ZNF564: variants seen among roughly 807,000 people sequenced by gnomAD.
The protein encoded by ZNF564 is zinc finger protein 564.
Under a neutral mutation model 10.5 loss-of-function variants are expected in ZNF564, and 5 were observed. That is an observed-to-expected ratio of 0.48 (90% CI 0.25 to 1.00). The LOEUF (loss-of-function observed/expected upper bound fraction) is 1.00, where lower values mean the gene tolerates loss of function less well. ZNF564 is among the 50% of genes least tolerant of loss of function. ZNF564 has a pLI of 0.16. For missense variants in ZNF564, 603 were observed against 669.7 expected (o/e 0.90, Z 1.10); for synonymous variants, 242 against 218.1 (o/e 1.11, Z -0.97).
At chr19:12,535,608 T>C (rs989448453) in intron 1 of ZNF564, among the ~76,000 whole-genome samples, 6 of 152,262 alleles carry the variant, frequency 3.9e-5, no homozygotes, top group Middle Eastern at 3.4e-3. Flanking sequence ...TCATTAAACA[T>C]TGTCAAAGTC....
At chr19:12,532,521 C>G (rs1379372888) in intron 1 of ZNF564, among the ~76,000 whole-genome samples, 1 of 113,032 alleles carries the variant, frequency 8.8e-6, no homozygotes. Flanking sequence ...GGCGACAGAG[C>G]GAGACTCCGT....
chr19:12,531,908 A>T (rs1054691582), intron 1 of ZNF564, among the ~76,000 whole-genome samples: 2 of 152,246 alleles, frequency 1.3e-5, no homozygotes, highest in Non-Finnish European at 2.9e-5. Context: ...AAAACATAGT[A>T]TGTTGGCTAA....
intron 1 of ZNF564, among the ~76,000 whole-genome samples, chr19:12,545,470 C>CT (rs1027355753): frequency 6.6e-6 from 1 of 152,008 alleles, no homozygotes; most frequent in African/African-American, 2.4e-5. Context: ...CAGCAGGTGT[C>CT]TAACAGTTCA....
At chr19:12,551,255 G>A in intron 1 of ZNF564, 75 bp downstream of exon 1, 2 of 1,515,734 alleles carry the variant, frequency 1.3e-6, no homozygotes, top group Non-Finnish European at 1.8e-6. Flanking sequence ...AGGCCAGGGT[G>A]CTTCCACAGC....
intron 1 of ZNF564, chr19:12,533,068 C>T (rs2021839331): frequency 6.6e-6 from 1 of 152,126 alleles, no homozygotes; most frequent in Non-Finnish European, 1.5e-5. Flanking sequence ...AACACAAATT[C>T]TTCTCAAGTT....
chr19:12,542,660 A>AAAG (rs2022079662), intron 1 of ZNF564, among the ~76,000 whole-genome samples: 1 of 133,570 alleles, frequency 7.5e-6, no homozygotes, highest in Admixed American at 7.2e-5. Flanking sequence ...AAGAAAGAAA[A>AAAG]GAAAAAAGGA....
At position 12,550,898 on chromosome 19, in the gene ZNF564, T is replaced by C. The variant is rs192455817; in HGVS notation, c.3+432A>G. ...GGAGTCGTAGGTTTGAGATTCTTTT[T>C]CCAGTACGTTTGGAAGACTCGGAGG... On this transcript the variant is annotated intron_variant, in intron 1 of 3. Transcript: ENST00000339282. 1.0e-3 allele frequency among the ~76,000 whole-genome samples: 158 copies of C among 152,238 alleles called. 1 individual carries two copies. Among genetic ancestry groups the C allele is most frequent in the African/African-American group, 3.6e-3 (150 of 41,554 alleles).
At chr19:12,528,479 C>A in intron 2 of ZNF564, 91 bp downstream of exon 2, 1 of 1,588,422 alleles carries the variant, frequency 6.3e-7, no homozygotes, top group South Asian at 1.1e-5. Flanking sequence ...CAAGTATTCC[C>A]TTTTCCACAT....
In ZNF564 at chr19:12,526,892, T is replaced by C; in HGVS notation, c.1216A>G (p.Ser406Gly). 6.2e-7 allele frequency: 1 copy of C among 1,614,148 alleles called. No individual in the cohort carries two copies. Among genetic ancestry groups the C allele is most frequent in the Non-Finnish European group, 8.5e-7 (1 of 1,180,032 alleles). ...GTTCTTTCGTGTATTTGAAATGAACTGGGACAGTCAAAGGCTCTACCACAT... is the reference window on the plus strand; with the variant it reads ...GTTCTTTCGTGTATTTGAAATGAACCGGGACAGTCAAAGGCTCTACCACAT... ...QVCGRAFDCP[S>G]SFQIHERTHT... Residue 406 changes from serine (S) to glycine (G), a missense_variant, in exon 4 of 4, where the codon AGT becomes GGT. Ser to Gly is a moderately conservative substitution (Grantham distance 56). Coordinates refer to ENST00000339282, the MANE Select transcript of ZNF564 (RefSeq NM_144976.4).
intron 1 of ZNF564, among the ~76,000 whole-genome samples, chr19:12,539,776 C>A (rs1206514300): frequency 1.3e-5 from 2 of 151,816 alleles, no homozygotes; most frequent in Non-Finnish European, 2.9e-5. Context: ...GAGATAAAGA[C>A]CATCCTGGCT....
chr19:12,546,938 A>C (rs1392354544), intron 1 of ZNF564, among the ~76,000 whole-genome samples: 2 of 152,032 alleles, frequency 1.3e-5, no homozygotes, highest in African/African-American at 4.8e-5. Context: ...TCCTTTATAA[A>C]CCATCCTAAA....
intron 1 of ZNF564, among the ~76,000 whole-genome samples, chr19:12,546,872 T>G (rs2022165466): frequency 6.6e-6 from 1 of 152,156 alleles, no homozygotes; most frequent in Non-Finnish European, 1.5e-5. Flanking sequence ...TCTCCTCCTT[T>G]CAGCCCTGAA....
rs1327848385 is a variant in ZNF564, at chr19:12,526,239, C to T, written c.*207G>A. On this transcript the variant is annotated 3_prime_UTR_variant, in exon 4 of 4. Transcript: ENST00000339282. Reference sequence around the variant, plus strand: ...GGATGAGACTCAATTCATGCTGAGGCAAAATTCTTCTTCAGCTCCGAACCG... The same window carrying T: ...GGATGAGACTCAATTCATGCTGAGGTAAAATTCTTCTTCAGCTCCGAACCG... 2 of 501,870 alleles carry T rather than the reference C, an allele frequency of 4.0e-6. No homozygotes were observed. The highest frequency in any genetic ancestry group is 6.9e-6 in the Non-Finnish European group (2 of 288,428). The allele number at this position is 501,870 out of a possible 1,614,324, so 31.1% of individuals were successfully genotyped here. A position where few individuals can be genotyped will look rare whatever the true frequency, so the allele number is the denominator to read the frequency against.
At chr19:12,546,698 T>G (rs1421705202) in intron 1 of ZNF564, among the ~76,000 whole-genome samples, 2 of 152,076 alleles carry the variant, frequency 1.3e-5, no homozygotes, top group African/African-American at 4.8e-5. Flanking sequence ...GCCACTGCAC[T>G]CCAGCCTGGG....
At position 12,526,546 on chromosome 19, in the gene ZNF564, T is replaced by C; in HGVS notation, c.1562A>G (p.Gln521Arg). The change falls in exon 4 of 4, where the codon CAA becomes CGA. Residue 521 changes from glutamine (Q) to arginine (R), a missense_variant. Transcript: ENST00000339282. ...GKTFSYSSSF[Q>R]RHERAHNGDK... is the part of the protein sequence containing the mutation. The stretch of plus-strand genomic sequence containing the variant: ...TCCATTATGAGCTCTTTCATGTCTT[T>C]GAAAGGAACTGGAATAACTGAACGT... The C allele has an allele frequency of 6.2e-7, 1 of 1,614,124 alleles. No homozygotes were observed. Among genetic ancestry groups the C allele is most frequent in the Non-Finnish European group, 8.5e-7 (1 of 1,180,018 alleles).
At chr19:12,542,496 CTG>C (rs1265330199) in intron 1 of ZNF564, among the ~76,000 whole-genome samples, 1 of 151,828 alleles carries the variant, frequency 6.6e-6, no homozygotes, top group Admixed American at 6.6e-5. Flanking sequence ...TAGCACGTGT[CTG>C]TAGTCCCAGC....
intron 1 of ZNF564, among the ~76,000 whole-genome samples, chr19:12,534,073 A>T (rs1047446671): frequency 6.6e-6 from 1 of 152,202 alleles, no homozygotes; most frequent in Admixed American, 6.5e-5. Context: ...CAGAAAGAAC[A>T]TCAATGAGGA....
chr19:12,529,255 G>T (rs942482933), intron 1 of ZNF564, among the ~76,000 whole-genome samples: 5 of 152,002 alleles, frequency 3.3e-5, no homozygotes, highest in African/African-American at 9.7e-5. Context: ...AGTTTTATTG[G>T]TCTCTAATGG....
intron 1 of ZNF564, among the ~76,000 whole-genome samples, chr19:12,534,515 T>C (rs2021869134): frequency 6.6e-6 from 1 of 152,146 alleles, no homozygotes; most frequent in Admixed American, 6.6e-5. Flanking sequence ...CAGTTTCTTA[T>C]AAAACTAAAC....
Sources: gnomAD v4.1 joint callset for allele counts (sites outside exome capture counted in the v4.1 genomes callset) on GRCh38, gnomAD v4.1.1 for gene constraint, MANE v1.5 for transcripts, NCBI Gene and HGNC (gene_info 2026-07-23, HGNC 2026-07-21) for gene names.